LRRTM3: variants seen among roughly 807,000 people sequenced by gnomAD.
LRRTM3 encodes the protein leucine-rich repeat transmembrane neuronal protein 3.
A neutral mutation model predicts 44.7 loss-of-function variants in LRRTM3; 24 were observed. That is an observed-to-expected ratio of 0.54 (90% CI 0.39 to 0.76). The LOEUF is 0.76. Among genes scored for constraint, LRRTM3 ranks in the 30% least tolerant of loss-of-function variants. The pLI is 0.00. For synonymous variants in LRRTM3, 277 were observed against 278.7 expected (o/e 0.99, Z 0.06); for missense variants, 587 against 702.2 (o/e 0.84, Z 1.85).
intron 2 of LRRTM3, among the ~76,000 whole-genome samples, chr10:67,015,921 T>G (rs1307116526): frequency 6.6e-6 from 1 of 152,146 alleles, no homozygotes; most frequent in Non-Finnish European, 1.5e-5. Context: ...AAGTTTATTC[T>G]ATTTGTGTTG....
chr10:67,081,135 A>G (rs1407416080), intron 2 of LRRTM3, among the ~76,000 whole-genome samples: 1 of 152,184 alleles, frequency 6.6e-6, no homozygotes, highest in Admixed American at 6.5e-5. Context: ...TGACAGACAG[A>G]GCTTATACAT....
intron 2 of LRRTM3, among the ~76,000 whole-genome samples, chr10:66,980,943 G>T (rs995542633): frequency 6.6e-6 from 1 of 151,898 alleles, no homozygotes; most frequent in Non-Finnish European, 1.5e-5. Context: ...TTTCACTCTT[G>T]TTGCCCAGGC....
chr10:67,000,698 G>T lies in LRRTM3; in HGVS notation c.1536+72246G>T, dbSNP rs537158239. ...AATTAGATATATGAATTCAATAGAAGAAATCTTGATGTAAAGTCAATTAGT... is the reference window on the plus strand; with the variant it reads ...AATTAGATATATGAATTCAATAGAATAAATCTTGATGTAAAGTCAATTAGT... On this transcript the variant is annotated intron_variant, in intron 2 of 2. Coordinates refer to ENST00000361320, the MANE Select transcript of LRRTM3 (RefSeq NM_178011.5). Among the ~76,000 whole-genome samples the T allele has an allele frequency of 3.3e-5, 5 of 152,238 alleles. No homozygotes were observed. The South Asian group carries it at 6.2e-4, about 19-fold the overall frequency.
chr10:67,044,597 G>T (rs1322330362), intron 2 of LRRTM3, among the ~76,000 whole-genome samples: 2 of 152,132 alleles, frequency 1.3e-5, no homozygotes, highest in Non-Finnish European at 2.9e-5. Flanking sequence ...CTCAGAGACA[G>T]GATTTGTCTT....
At chr10:66,976,784 G>A (rs1033559815) in intron 2 of LRRTM3, among the ~76,000 whole-genome samples, 4 of 152,016 alleles carry the variant, frequency 2.6e-5, no homozygotes, top group Non-Finnish European at 4.4e-5. Flanking sequence ...TAAATTTCAT[G>A]TAAATGATTA....
intron 2 of LRRTM3, among the ~76,000 whole-genome samples, chr10:66,976,877 G>C (rs576132262): frequency 2.0e-5 from 3 of 152,116 alleles, no homozygotes; most frequent in Non-Finnish European, 4.4e-5. Flanking sequence ...TTTGTCTAAA[G>C]ACAGTGATTG....
At chr10:67,071,972 G>A (rs1856492339) in intron 2 of LRRTM3, among the ~76,000 whole-genome samples, 1 of 151,890 alleles carries the variant, frequency 6.6e-6, no homozygotes, top group South Asian at 2.1e-4. Flanking sequence ...TTATTTTTTT[G>A]AGACACAGTC....
intron 2 of LRRTM3, among the ~76,000 whole-genome samples, chr10:67,067,976 T>C (rs910543132): frequency 1.3e-5 from 2 of 152,178 alleles, no homozygotes; most frequent in African/African-American, 2.4e-5. Flanking sequence ...GAAACCCACA[T>C]TTAAACCAAG....
At chr10:66,945,873 T>G (rs1272856270) in intron 2 of LRRTM3, among the ~76,000 whole-genome samples, 1 of 152,140 alleles carries the variant, frequency 6.6e-6, no homozygotes, top group Non-Finnish European at 1.5e-5. Flanking sequence ...GGCTGGTCAG[T>G]GAAGCGGTCA....
At chr10:67,043,681 C>T (rs1445184692) in intron 2 of LRRTM3, among the ~76,000 whole-genome samples, 1 of 152,084 alleles carries the variant, frequency 6.6e-6, no homozygotes, top group Non-Finnish European at 1.5e-5. Flanking sequence ...ACCCTTTAAT[C>T]TCCCACTGCT....
At chr10:66,966,716 G>A (rs779692716) in intron 2 of LRRTM3, among the ~76,000 whole-genome samples, 7 of 152,014 alleles carry the variant, frequency 4.6e-5, no homozygotes, top group Non-Finnish European at 1.0e-4. Flanking sequence ...AAGTTTTGGG[G>A]TGATCACTGA....
intron 2 of LRRTM3, among the ~76,000 whole-genome samples, chr10:66,993,929 T>C (rs1472754480): frequency 6.6e-6 from 1 of 152,220 alleles, no homozygotes; most frequent in Non-Finnish European, 1.5e-5. Context: ...CTAAGCTCTT[T>C]GGGCAAATGT....
rs1398343561 is a variant in LRRTM3 at position 67,099,996 on chromosome 10, AT to A, written c.*2202del. ...CAAAATGTCATTTGCAAGTTTTCTC[AT>A]TAGAAGTTATCCTTGCAAAGATAGA... On this transcript the variant is annotated 3_prime_UTR_variant, in exon 3 of 3. Coordinates refer to ENST00000361320, the MANE Select transcript of LRRTM3 (RefSeq NM_178011.5). Among the ~76,000 whole-genome samples, 1 of 151,786 alleles carries A rather than the reference AT, an allele frequency of 6.6e-6. No individual in the cohort carries two copies. Among genetic ancestry groups the A allele is most frequent in the Non-Finnish European group, 1.5e-5 (1 of 67,830 alleles).
chr10:66,964,789 A>G (rs999075250), intron 2 of LRRTM3, among the ~76,000 whole-genome samples: 1 of 152,186 alleles, frequency 6.6e-6, no homozygotes, highest in Non-Finnish European at 1.5e-5. Flanking sequence ...GAGATAAAGC[A>G]GATGAGAGGC....
At chr10:66,934,253 C>A (rs1432488496) in intron 2 of LRRTM3, among the ~76,000 whole-genome samples, 1 of 151,976 alleles carries the variant, frequency 6.6e-6, no homozygotes. Context: ...ACTTTATTAA[C>A]AATTCTCCAT....
chr10:66,959,903 C>T (rs1849023608), intron 2 of LRRTM3, among the ~76,000 whole-genome samples: 1 of 152,114 alleles, frequency 6.6e-6, no homozygotes, highest in Admixed American at 6.6e-5. Context: ...TCAAGACTCC[C>T]TCCACATCTA....
intron 2 of LRRTM3, among the ~76,000 whole-genome samples, chr10:67,091,839 TAGGGACC>T (rs1346548336): frequency 6.6e-6 from 1 of 151,876 alleles, no homozygotes; most frequent in East Asian, 1.9e-4. Context: ...TAGAACAAAA[TAGGGACC>T]AAGGAAGAGG....
chr10:67,041,904 T>A (rs1285635966), intron 2 of LRRTM3, among the ~76,000 whole-genome samples: 1 of 152,142 alleles, frequency 6.6e-6, no homozygotes, highest in Non-Finnish European at 1.5e-5. Context: ...TGGGATCACA[T>A]TCATAAAAGC....
intron 2 of LRRTM3, among the ~76,000 whole-genome samples, chr10:67,059,022 A>C (rs745424183): frequency 6.6e-6 from 1 of 152,226 alleles, no homozygotes; most frequent in Non-Finnish European, 1.5e-5. Flanking sequence ...CTGCTAATGC[A>C]GCCTTCTAAG....
Sources: allele counts gnomAD v4.1 joint callset (sites outside exome capture counted in the v4.1 genomes callset), GRCh38; gene constraint gnomAD v4.1.1; transcripts MANE v1.5; gene names NCBI Gene and HGNC (gene_info 2026-07-23, HGNC 2026-07-21).